Variants in ARMC9 observed in about 807,000 individuals in gnomAD.
ARMC9 encodes the protein lisH domain-containing protein ARMC9.
In ARMC9, 94 loss-of-function variants were observed where a neutral mutation model predicts 107.0. That is an observed-to-expected ratio of 0.88 (90% CI 0.74 to 1.04). ARMC9 has a LOEUF of 1.04. ARMC9 is among the 50% of genes least tolerant of loss of function. ARMC9 has a pLI of 0.00. For missense variants in ARMC9, 942 were observed against 1,030.1 expected (o/e 0.91, Z 1.17); for synonymous variants, 380 against 396.9 (o/e 0.96, Z 0.51).
chr2:231,287,097 C>G lies in ARMC9; in HGVS notation c.1627-4256C>G, dbSNP rs560357036. On this transcript the variant is annotated intron_variant, in intron 17 of 24. Transcript: ENST00000611582. ...TGCAGGTTATAAAAGCTCCCAGAAT[C>G]TGGGAAGGCCAGGGAGCTGGGCTTA... 2.0e-5 allele frequency among the ~76,000 whole-genome samples: 3 copies of G among 152,358 alleles called. No homozygotes were observed. The East Asian group carries it at 5.8e-4, about 29-fold the overall frequency.
chr2:231,337,346 G>A (rs1419962951), intron 20 of ARMC9, among the ~76,000 whole-genome samples: 1 of 124,978 alleles, frequency 8.0e-6, no homozygotes, highest in Non-Finnish European at 1.6e-5. Flanking sequence ...TGTCCCAGCT[G>A]GAGTGCAGTG....
At chr2:231,259,902 A>G (rs2038179206) in intron 11 of ARMC9, among the ~76,000 whole-genome samples, 1 of 152,188 alleles carries the variant, frequency 6.6e-6, no homozygotes. Flanking sequence ...AGACTGAGGC[A>G]GGAGAATTGC....
intron 3 of ARMC9, among the ~76,000 whole-genome samples, chr2:231,209,463 A>G (rs944874934): frequency 8.5e-5 from 13 of 152,192 alleles, no homozygotes; most frequent in Non-Finnish European, 2.9e-5. Flanking sequence ...TAATCAGTTC[A>G]CCTAGAATAT....
intron 19 of ARMC9, among the ~76,000 whole-genome samples, chr2:231,323,071 C>A (rs1007526024): frequency 2.0e-5 from 3 of 152,114 alleles, no homozygotes; most frequent in Admixed American, 1.3e-4. Flanking sequence ...TGCCTGTAAT[C>A]CCAGCACTTC....
chr2:231,366,857 A>T (rs1344473740), intron 23 of ARMC9, among the ~76,000 whole-genome samples: 3 of 145,654 alleles, frequency 2.1e-5, no homozygotes, highest in East Asian at 4.2e-4. Flanking sequence ...AACCAAACAA[A>T]TTTTTTTTTT....
rs1302812868 is a variant in ARMC9 at position 231,314,066 on chromosome 2, C to CTT, written c.1774-17711_1774-17710dup. Among the ~76,000 whole-genome samples the CTT allele has an allele frequency of 4.9e-4, 65 of 131,526 alleles. 1 individual carries two copies. The highest frequency in any genetic ancestry group is 1.8e-3 in the African/African-American group (64 of 35,998). The allele number at this position is 131,526 out of a possible 152,430, so 86.3% of individuals were successfully genotyped here. On this transcript the variant is annotated intron_variant, in intron 19 of 24. Coordinates refer to ENST00000611582, the MANE Select transcript of ARMC9 (RefSeq NM_001352754.2). ...TGAGCCACCACACCAGCCATCTTTTCTTTTTTTTTTTTTTTTTGTTTTTTG... is the reference window on the plus strand; with the variant it reads ...TGAGCCACCACACCAGCCATCTTTTCTTTTTTTTTTTTTTTTTTTGTTTTTTG...
intron 20 of ARMC9, among the ~76,000 whole-genome samples, chr2:231,333,018 G>A (rs111819369): frequency 4.6e-5 from 7 of 152,314 alleles, no homozygotes; most frequent in African/African-American, 1.7e-4. Context: ...AGGCTTTATG[G>A]GAGCAGGTGG....
intron 16 of ARMC9, among the ~76,000 whole-genome samples, chr2:231,279,511 C>CTTTTTTTTTTTTTTTTTTTTTT (rs57779512): frequency 1.6e-5 from 2 of 124,806 alleles, no homozygotes; most frequent in African/African-American, 3.2e-5. Context: ...TTTCTTTTTT[C>CTTTTTTTTTTTTTTTTTTTTTT]TTTTTTTTTT....
At chr2:231,331,656 C>G (rs2043745543) in intron 19 of ARMC9, 137 bp from the exon 20 acceptor site, 4 of 710,592 alleles carry the variant, frequency 5.6e-6, no homozygotes, top group Non-Finnish European at 9.4e-6. Flanking sequence ...CCTGAGCCCC[C>G]TTGGAATATA....
intron 19 of ARMC9, among the ~76,000 whole-genome samples, chr2:231,328,807 T>C (rs2043509252): frequency 7.6e-6 from 1 of 131,064 alleles, no homozygotes; most frequent in Non-Finnish European, 1.7e-5. Context: ...CAATTTTCTT[T>C]TCTTTTCTTT....
At chr2:231,343,660 A>T (rs187342866) in intron 20 of ARMC9, among the ~76,000 whole-genome samples, 1 of 152,342 alleles carries the variant, frequency 6.6e-6, no homozygotes, top group East Asian at 1.9e-4. Flanking sequence ...AATAGTAACC[A>T]TATTACAAAA....
chr2:231,341,640 TGATAGATAGATA>T lies in ARMC9; in HGVS notation c.1879-3308_1879-3297del, dbSNP rs56256642. 2.0e-3 allele frequency among the ~76,000 whole-genome samples: 279 copies of T among 140,130 alleles called. 3 individuals carry two copies. The highest frequency in any genetic ancestry group is 5.2e-3 in the African/African-American group (166 of 31,692). 91.9% of individuals were successfully genotyped at this position (140,130 alleles called of 152,430 possible). The stretch of plus-strand genomic sequence containing the variant: ...GATGATTGATTGATAGATAGATAGA[TGATAGATAGATA>T]GATAGATAGATAGATAGATAGATAG... On this transcript the variant is annotated intron_variant, in intron 20 of 24. Transcript: ENST00000611582.
At chr2:231,250,221 A>G (rs1000781045) in intron 9 of ARMC9, among the ~76,000 whole-genome samples, 5 of 152,140 alleles carry the variant, frequency 3.3e-5, no homozygotes, top group African/African-American at 1.2e-4. Context: ...TAGCTCAGTG[A>G]GGGAAATTTT....
Position 231,276,624 on chromosome 2 carries a change from C to G in ARMC9, c.1335-12C>G. The G allele has an allele frequency of 6.2e-7, 1 of 1,614,114 alleles. No homozygotes were observed. Among genetic ancestry groups the G allele is most frequent in the South Asian group, 1.1e-5 (1 of 91,076 alleles). On this transcript the variant is annotated splice_polypyrimidine_tract_variant and intron_variant, in intron 14 of 24. Coordinates refer to ENST00000611582, the MANE Select transcript of ARMC9 (RefSeq NM_001352754.2). ...TGGCAGTTTGTATTTACCGTAGGCT[C>G]TTTCTTCCCAGGCGCCCGCTGCAGA...
intron 19 of ARMC9, among the ~76,000 whole-genome samples, chr2:231,315,958 A>C (rs1480461438): frequency 6.6e-6 from 1 of 152,206 alleles, no homozygotes; most frequent in Non-Finnish European, 1.5e-5. Flanking sequence ...CTAGGGATTC[A>C]GTATGCATCT....
At chr2:231,259,651 A>G (rs2038156651) in intron 11 of ARMC9, among the ~76,000 whole-genome samples, 1 of 152,126 alleles carries the variant, frequency 6.6e-6, no homozygotes, top group Non-Finnish European at 1.5e-5. Context: ...GAGAGCTTTC[A>G]TTTACGTGAA....
rs115203868 is a variant in ARMC9 at position 231,292,214 on chromosome 2, G to T, written c.1717+771G>T. ...TCCGCCAGGTAGTCAAGGCCAGATT[G>T]TCCAAAGATTAACAATCTCTTATCG... On this transcript the variant is annotated intron_variant, in intron 18 of 24. Transcript: ENST00000611582. 4.4e-3 allele frequency among the ~76,000 whole-genome samples: 662 copies of T among 149,746 alleles called. 4 individuals carry two copies. Among genetic ancestry groups the T allele is most frequent in the African/African-American group, 0.016 (636 of 40,860 alleles).
intron 17 of ARMC9, among the ~76,000 whole-genome samples, chr2:231,284,658 CCTA>C (rs2040454973): frequency 6.6e-6 from 1 of 152,114 alleles, no homozygotes; most frequent in Admixed American, 6.5e-5. Context: ...TTTAGAAAAA[CCTA>C]CTCTCAGAAA....
chr2:231,365,738 A>G (rs773557180), intron 23 of ARMC9, among the ~76,000 whole-genome samples: 3 of 152,246 alleles, frequency 2.0e-5, no homozygotes, highest in Non-Finnish European at 4.4e-5. Context: ...CTCCCATGCC[A>G]TGGGCACACA....
Sources: gnomAD v4.1 joint callset for allele counts (sites outside exome capture counted in the v4.1 genomes callset) on GRCh38, gnomAD v4.1.1 for gene constraint, MANE v1.5 for transcripts, NCBI Gene and HGNC (gene_info 2026-07-23, HGNC 2026-07-21) for gene names.